FAM13A: variants seen among roughly 807,000 people sequenced by gnomAD.
FAM13A encodes family with sequence similarity 13 member A, also known as protein FAM13A.
A neutral mutation model predicts 129.6 loss-of-function variants in FAM13A; 76 were observed. The ratio of observed to expected loss-of-function variants is 0.59; its 90% CI spans 0.49 to 0.71. The LOEUF (loss-of-function observed/expected upper bound fraction) is 0.71. Among genes scored for constraint, FAM13A ranks in the 30% least tolerant of loss-of-function variants. The probability of loss-of-function intolerance (pLI) is 0.00; values close to 1 mark genes in which losing one functional copy is unlikely to be tolerated. For missense variants in FAM13A, 1,108 were observed against 1,249.3 expected, an observed-to-expected ratio of 0.89 and a Z score of 1.70; for synonymous variants, 443 against 449.9, an observed-to-expected ratio of 0.98 and a Z score of 0.20.
chr4:88,733,467 TC>T (rs1738311354), intron 21 of FAM13A, among the ~76,000 whole-genome samples: 1 of 151,446 alleles, frequency 6.6e-6, no homozygotes, highest in South Asian at 2.1e-4. Context: ...TGAATACGTT[TC>T]TTTTTGTTTT....
At chr4:88,897,114 G>A (rs969231887) in intron 6 of FAM13A, among the ~76,000 whole-genome samples, 2 of 152,208 alleles carry the variant, frequency 1.3e-5, no homozygotes, top group Non-Finnish European at 2.9e-5. Context: ...CATAGCACCT[G>A]TGTCTGGTAG....
chr4:88,916,103 G>C (rs1287962203), intron 5 of FAM13A, among the ~76,000 whole-genome samples: 1 of 152,138 alleles, frequency 6.6e-6, no homozygotes, highest in Non-Finnish European at 1.5e-5. Flanking sequence ...CTAACTATGT[G>C]ATGCCCTGTA....
chr4:88,832,365 A>G (rs1734038154), intron 7 of FAM13A, among the ~76,000 whole-genome samples: 1 of 152,238 alleles, frequency 6.6e-6, no homozygotes, highest in South Asian at 2.1e-4. Context: ...AGCAATTGCA[A>G]CAAAAGCAAA....
chr4:88,909,333 A>G (rs1484793771), intron 5 of FAM13A, among the ~76,000 whole-genome samples: 1 of 152,076 alleles, frequency 6.6e-6, no homozygotes, highest in Non-Finnish European at 1.5e-5. Flanking sequence ...GTGAAATAAT[A>G]CAGACACAAA....
intron 23 of FAM13A, among the ~76,000 whole-genome samples, chr4:88,730,956 G>A (rs527561546): frequency 2.6e-5 from 4 of 152,240 alleles, no homozygotes; most frequent in African/African-American, 4.8e-5. Context: ...GTGCCACTAC[G>A]GCCGCTTGGC....
intron 10 of FAM13A, among the ~76,000 whole-genome samples, chr4:88,785,972 G>A (rs1723881722): frequency 6.6e-6 from 1 of 152,092 alleles, no homozygotes; most frequent in South Asian, 2.1e-4. Context: ...GGGTTTCATG[G>A]GTATAGTCTT....
chr4:88,967,478 T>G (rs938842529), intron 4 of FAM13A, among the ~76,000 whole-genome samples: 4 of 152,200 alleles, frequency 2.6e-5, no homozygotes, highest in Admixed American at 2.0e-4. Context: ...TATGAGCACG[T>G]TTATTGGTAA....
chr4:88,839,275 G>A (rs193015774), intron 7 of FAM13A, among the ~76,000 whole-genome samples: 8 of 152,046 alleles, frequency 5.3e-5, no homozygotes, highest in African/African-American at 1.9e-4. Flanking sequence ...AGATCTAACA[G>A]CAATTATTTA....
At chr4:88,876,576 C>T (rs191402007) in intron 6 of FAM13A, among the ~76,000 whole-genome samples, 1 of 152,060 alleles carries the variant, frequency 6.6e-6, no homozygotes, top group Non-Finnish European at 1.5e-5. Context: ...TTAATATACA[C>T]CTACCCCCTG....
chr4:88,964,372 T>A (rs1367062402), intron 4 of FAM13A, among the ~76,000 whole-genome samples: 2 of 152,152 alleles, frequency 1.3e-5, no homozygotes, highest in Non-Finnish European at 2.9e-5. Flanking sequence ...AGATACAAAC[T>A]AATGCAGGTA....
At chr4:89,036,969 C>A (rs147133733) in intron 1 of FAM13A, among the ~76,000 whole-genome samples, 163 of 152,332 alleles carry the variant, frequency 1.1e-3, no homozygotes, top group Non-Finnish European at 1.5e-3. Flanking sequence ...TCCTGAATGT[C>A]CAGGCAGCAG....
intron 4 of FAM13A, among the ~76,000 whole-genome samples, chr4:88,972,944 G>A (rs1424659978): frequency 6.6e-6 from 1 of 152,010 alleles, no homozygotes; most frequent in South Asian, 2.1e-4. Context: ...AGGGTACAAC[G>A]TTCTACTTTA....
intron 18 of FAM13A, 149 bp downstream of exon 18, chr4:88,747,482 A>G: frequency 2.9e-6 from 2 of 680,886 alleles, no homozygotes; most frequent in South Asian, 3.6e-5. Flanking sequence ...CGCACTCTGC[A>G]GCTGTTTCAT....
intron 5 of FAM13A, among the ~76,000 whole-genome samples, chr4:88,914,636 C>A (rs1749782307): frequency 6.6e-6 from 1 of 152,182 alleles, no homozygotes; most frequent in Non-Finnish European, 1.5e-5. Context: ...AAAGTGGCTC[C>A]TCTAACTATG....
intron 3 of FAM13A, among the ~76,000 whole-genome samples, chr4:89,003,830 A>G (rs1560751143): frequency 6.6e-6 from 1 of 152,192 alleles, no homozygotes; most frequent in Non-Finnish European, 1.5e-5. Context: ...TCTATTTTAT[A>G]AGCAGAAGTG....
intron 6 of FAM13A, among the ~76,000 whole-genome samples, chr4:88,892,669 A>C (rs1745550176): frequency 6.6e-6 from 1 of 152,222 alleles, no homozygotes; most frequent in Non-Finnish European, 1.5e-5. Context: ...TCAGATGTAG[A>C]AATTTTCCCT....
rs183842765 is a variant in FAM13A at position 89,000,718 on chromosome 4, T to C, written c.428-9568A>G. Among the ~76,000 whole-genome samples, 102 of 152,344 alleles carry C rather than the reference T, an allele frequency of 6.7e-4. 1 individual carries two copies. Among genetic ancestry groups the C allele is most frequent in the African/African-American group, 2.4e-3 (100 of 41,582 alleles). ...ATAAAGCTGTTATAAAGAAATTCTG[T>C]TGACTTCAAAATCAAGCATGGGAAA... is the stretch of plus-strand genomic sequence containing the variant. On this transcript the variant is annotated intron_variant, in intron 3 of 23. Transcript: ENST00000264344.
Position 88,749,479 on chromosome 4 carries a change from TCAAA to T in FAM13A, c.2079+288_2079+291del, listed in dbSNP as rs569880698. Reference sequence around the variant, plus strand: ...AAGATAATATTGAATTAAATTTTAGTCAAACAAAGGATTTCATTCAACAATTTCT... The same window carrying T: ...AAGATAATATTGAATTAAATTTTAGTCAAAGGATTTCATTCAACAATTTCT... On this transcript the variant is annotated intron_variant, in intron 16 of 23. Transcript: ENST00000264344. Among the ~76,000 whole-genome samples, 199 of 152,328 alleles carry T rather than the reference TCAAA, an allele frequency of 1.3e-3. 1 individual carries two copies. Among genetic ancestry groups the T allele is most frequent in the African/African-American group, 4.3e-3 (177 of 41,570 alleles).
At chr4:89,045,074 TTA>T (rs1183257745) in intron 1 of FAM13A, among the ~76,000 whole-genome samples, 1 of 152,170 alleles carries the variant, frequency 6.6e-6, no homozygotes, top group Admixed American at 6.5e-5. Flanking sequence ...ATAGTAAATT[TTA>T]TGTTATGTAT....
Sources: allele counts gnomAD v4.1 joint callset (sites outside exome capture counted in the v4.1 genomes callset), GRCh38; gene constraint gnomAD v4.1.1; transcripts MANE v1.5; gene names NCBI Gene and HGNC (gene_info 2026-07-23, HGNC 2026-07-21).